Variants in WDR72 observed in about 807,000 individuals in gnomAD.
WDR72 encodes WD repeat-containing protein 72.
A neutral mutation model predicts 124.2 loss-of-function variants in WDR72; 120 were observed. The observed-to-expected ratio is 0.97, with a 90% confidence interval of 0.83 to 1.12. WDR72 has a LOEUF of 1.12. Among genes scored for constraint, WDR72 ranks in the 50% most tolerant of loss-of-function variants. The pLI, the probability that WDR72 is intolerant of heterozygous loss-of-function variation, is 0.00. For missense variants in WDR72, 1,387 were observed against 1,278.8 expected, an observed-to-expected ratio of 1.08 and a Z score of -1.29; for synonymous variants, 452 against 441.7, an observed-to-expected ratio of 1.02 and a Z score of -0.29.
chr15:53,713,404 T>G (rs999116918), intron 6 of WDR72, among the ~76,000 whole-genome samples: 7 of 145,958 alleles, frequency 4.8e-5, no homozygotes, highest in Non-Finnish European at 1.0e-4. Flanking sequence ...TTTTATTTTA[T>G]TTTGTTGTAT....
At chr15:53,559,957 C>G (rs1425214864) in intron 18 of WDR72, among the ~76,000 whole-genome samples, 1 of 151,802 alleles carries the variant, frequency 6.6e-6, no homozygotes, top group African/African-American at 2.4e-5. Context: ...AAATAAAAAG[C>G]CTTTGATACA....
intron 16 of WDR72, among the ~76,000 whole-genome samples, chr15:53,612,716 C>G (rs1032714449): frequency 6.6e-6 from 1 of 151,992 alleles, no homozygotes; most frequent in African/African-American, 2.4e-5. Context: ...GGCTTTTATT[C>G]TGAGCGAAAC....
intron 18 of WDR72, among the ~76,000 whole-genome samples, chr15:53,561,112 G>C (rs1293550634): frequency 6.6e-6 from 1 of 151,698 alleles, no homozygotes; most frequent in Non-Finnish European, 1.5e-5. Flanking sequence ...GCATTGTTCA[G>C]AACACCTGGA....
intron 14 of WDR72, among the ~76,000 whole-genome samples, chr15:53,647,255 C>A (rs690112): frequency 0.091 from 13,833 of 151,970 alleles, 1,606 homozygotes; most frequent in African/African-American, 0.28. Context: ...GTATTTATAT[C>A]CATTCATAAA....
chr15:53,615,916 C>A lies in WDR72; in HGVS notation c.2290G>T (p.Asp764Tyr). Residue 764 changes from aspartate to tyrosine, a missense_variant, in exon 15 of 20, where the codon GAT (aspartate) becomes TAT (tyrosine). Physicochemically the swap from Asp to Tyr is radical, Grantham distance 160. Coordinates refer to ENST00000360509, the MANE Select transcript of WDR72 (RefSeq NM_182758.4). Reference sequence around the variant, plus strand: ...ATTTTCTTCTGCCTTTTAATGCCATCATTTTCTTCTGAGAATTTGATGGTA... The same window carrying A: ...ATTTTCTTCTGCCTTTTAATGCCATAATTTTCTTCTGAGAATTTGATGGTA... The part of the protein sequence containing the change: ...DNTIKFSEEN[D>Y]GIKRQKKMKI... 6.2e-7 allele frequency: 1 copy of A among 1,613,464 alleles called. No homozygotes were observed. The highest frequency in any genetic ancestry group is 8.5e-7 in the Non-Finnish European group (1 of 1,179,652).
intron 14 of WDR72, among the ~76,000 whole-genome samples, chr15:53,622,843 G>C (rs1400526851): frequency 2.0e-5 from 3 of 152,024 alleles, no homozygotes; most frequent in Non-Finnish European, 2.9e-5. Context: ...GTCAACAATA[G>C]ATATGACTAG....
At chr15:53,670,367 T>C (rs2015943722) in intron 13 of WDR72, among the ~76,000 whole-genome samples, 1 of 152,178 alleles carries the variant, frequency 6.6e-6, no homozygotes, top group African/African-American at 2.4e-5. Flanking sequence ...CAAGATAATC[T>C]CTGCAGATCC....
At position 53,598,258 on chromosome 15, in the gene WDR72, G is replaced by A. The variant is rs190021131; in HGVS notation, c.2953-984C>T. Among the ~76,000 whole-genome samples, 145 of 151,700 alleles carry A rather than the reference G, an allele frequency of 9.6e-4. 2 individuals are homozygous for A. The highest frequency in any genetic ancestry group is 3.4e-3 in the African/African-American group (139 of 41,418). The stretch of plus-strand genomic sequence containing the variant: ...GTGCCTTTCATATAGCTACATCCCA[G>A]TGCCTTTCATATAGCCACATCCCAG... On this transcript the variant is annotated intron_variant, in intron 17 of 19. Transcript: ENST00000360509.
In WDR72 at chr15:53,730,066, C is replaced by T. The variant is rs1026948857; in HGVS notation, c.153+2931G>A. Among the ~76,000 whole-genome samples, 17 of 152,248 alleles carry T rather than the reference C, an allele frequency of 1.1e-4. 1 individual carries two copies. The highest frequency in any genetic ancestry group is 1.1e-3 in the Admixed American group (17 of 15,294). On this transcript the variant is annotated intron_variant, in intron 2 of 19. Transcript: ENST00000360509. ...AAGGATACAAACTGTTATGTGTGCA[C>T]CCATGTGTATAGCAGCATCATTCAC...
Position 53,688,487 on chromosome 15 carries a change from C to T in WDR72, c.1765+11263G>A, listed in dbSNP as rs1220607984. On this transcript the variant is annotated intron_variant, in intron 13 of 19. Coordinates refer to ENST00000360509, the MANE Select transcript of WDR72 (RefSeq NM_182758.4). ...AATTGCTTCAAAGAGAATAAAATAC[C>T]TAGGAATCCAACTTGCAAGGGAAGT... is the stretch of plus-strand genomic sequence containing the variant. Among the ~76,000 whole-genome samples, 15 of 151,932 alleles carry T rather than the reference C, an allele frequency of 9.9e-5. No individual in the cohort carries two copies. In the South Asian group the frequency reaches 2.9e-3, roughly 30 times the overall value.
intron 14 of WDR72, among the ~76,000 whole-genome samples, chr15:53,640,294 C>T (rs2014798423): frequency 6.6e-6 from 1 of 152,160 alleles, no homozygotes; most frequent in Non-Finnish European, 1.5e-5. Context: ...TGTTCTATAA[C>T]AGATTGCTTT....
At chr15:53,638,409 C>A (rs556035514) in intron 14 of WDR72, among the ~76,000 whole-genome samples, 4 of 152,066 alleles carry the variant, frequency 2.6e-5, no homozygotes, top group African/African-American at 7.2e-5. Flanking sequence ...AATAGAAAAA[C>A]GACACAAGAA....
In WDR72 at chr15:53,711,228, T is replaced by C. The variant is rs139953327; in HGVS notation, c.857+108A>G. On this transcript the variant is annotated intron_variant, in intron 8 of 19. Coordinates refer to ENST00000360509, the MANE Select transcript of WDR72 (RefSeq NM_182758.4). ...AAATCTTCTAGTGCCAAAGTTGTTT[T>C]GTTCTGGTTTTTGATCATGGGCAGC... 121 of 1,537,508 alleles carry C rather than the reference T, an allele frequency of 7.9e-5. 1 individual carries two copies. The highest frequency in any genetic ancestry group is 6.7e-4 in the Middle Eastern group (4 of 5,940).
chr15:53,615,790 C>A lies in WDR72; in HGVS notation c.2416G>T (p.Gly806Ter), dbSNP rs772603639. The change falls in exon 15 of 20, where the codon GGA becomes TGA. Residue 806 changes from glycine (G) to a stop codon, truncating the protein, a stop_gained. Transcript: ENST00000360509. LOFTEE classifies it high-confidence loss of function. ...AGATAATCTAAATCTTTATCCACTC[C>A]CCATGGCAAAAGGCAAGACAGAAAC... ...KLFLSCLLPWGVDKDLDYLCI... is the reference protein window; with the variant it reads ...KLFLSCLLPW The A allele has an allele frequency of 6.2e-7, 1 of 1,613,506 alleles. No individual in the cohort carries two copies. The highest frequency in any genetic ancestry group is 1.1e-5 in the South Asian group (1 of 91,074).
At chr15:53,638,434 T>G (rs190353927) in intron 14 of WDR72, among the ~76,000 whole-genome samples, 79 of 152,294 alleles carry the variant, frequency 5.2e-4, no homozygotes, top group African/African-American at 1.9e-3. Flanking sequence ...CAATGACAGA[T>G]TTCTACTCCA....
chr15:53,689,925 A>G (rs2016780219), intron 13 of WDR72, among the ~76,000 whole-genome samples: 1 of 151,370 alleles, frequency 6.6e-6, no homozygotes, highest in Admixed American at 6.6e-5. Context: ...AGGGACATGG[A>G]TGAAATTGGA....
chr15:53,630,903 AGAAG>A (rs2014400800), intron 14 of WDR72, among the ~76,000 whole-genome samples: 1 of 152,238 alleles, frequency 6.6e-6, no homozygotes, highest in African/African-American at 2.4e-5. Flanking sequence ...CAGATTAGAA[AGAAG>A]GAAGTAAAAC....
At chr15:53,565,621 C>T (rs1192219453) in intron 18 of WDR72, among the ~76,000 whole-genome samples, 2 of 151,950 alleles carry the variant, frequency 1.3e-5, no homozygotes, top group Admixed American at 6.6e-5. Flanking sequence ...CTGCATGGTA[C>T]TCTACTATGC....
intron 18 of WDR72, among the ~76,000 whole-genome samples, chr15:53,529,926 A>G (rs1483284981): frequency 6.6e-6 from 1 of 151,908 alleles, no homozygotes; most frequent in African/African-American, 2.4e-5. Context: ...GTAACAGGGA[A>G]TGGTACAACT....
Sources: gnomAD v4.1 joint callset for allele counts (sites outside exome capture counted in the v4.1 genomes callset) on GRCh38, gnomAD v4.1.1 for gene constraint, MANE v1.5 for transcripts, NCBI Gene and HGNC (gene_info 2026-07-23, HGNC 2026-07-21) for gene names.